KIAA1217: variants seen among roughly 807,000 people sequenced by gnomAD.
KIAA1217 encodes sickle tail protein homolog.
A neutral mutation model predicts 163.9 loss-of-function variants in KIAA1217; 88 were observed. The observed-to-expected ratio is 0.54, with a 90% confidence interval of 0.45 to 0.64. KIAA1217 has a LOEUF of 0.64. Among genes scored for constraint, KIAA1217 ranks in the 30% least tolerant of loss-of-function variants. The pLI, the probability that KIAA1217 is intolerant of heterozygous loss-of-function variation, is 0.00. For synonymous variants in KIAA1217, 903 were observed against 923.1 expected (o/e 0.98, Z 0.39); for missense variants, 2,372 against 2,475.0 (o/e 0.96, Z 0.88).
intron 15 of KIAA1217, among the ~76,000 whole-genome samples, chr10:24,532,670 A>T (rs2073299968): frequency 2.0e-5 from 3 of 152,116 alleles, no homozygotes; most frequent in African/African-American, 7.2e-5. Flanking sequence ...AAACGGTCCG[A>T]TCTCGTGAGA....
intron 1 of KIAA1217, among the ~76,000 whole-genome samples, chr10:23,733,339 A>G (rs1218274812): frequency 6.6e-6 from 1 of 152,204 alleles, no homozygotes; most frequent in Non-Finnish European, 1.5e-5. Context: ...TTTAAAATTT[A>G]AAATTTAATA....
chr10:24,172,317 G>A (rs917288578), intron 2 of KIAA1217, among the ~76,000 whole-genome samples: 3 of 152,190 alleles, frequency 2.0e-5, no homozygotes, highest in Non-Finnish European at 2.9e-5. Context: ...ACTATGCCAA[G>A]AGGATATCTT....
At position 24,279,012 on chromosome 10, in the gene KIAA1217, A is replaced by ACGCCCAG. The variant is rs372852209; in HGVS notation, c.354+59104_354+59105insGCCCAGC. Among the ~76,000 whole-genome samples the ACGCCCAG allele has an allele frequency of 1.3e-3, 203 of 152,018 alleles. 2 individuals carry two copies. The highest frequency in any genetic ancestry group is 4.4e-3 in the African/African-American group (182 of 41,488). On this transcript the variant is annotated intron_variant, in intron 2 of 20. Transcript: ENST00000376454. ...GCTGGGATTACAGTCACGGGCCACC[A>ACGCCCAG]CTAATTTTTGTATTTATAGTAGAGA...
chr10:24,304,289 A>G (rs1482403396), intron 2 of KIAA1217, among the ~76,000 whole-genome samples: 1 of 143,554 alleles, frequency 7.0e-6, no homozygotes, highest in African/African-American at 2.6e-5. Flanking sequence ...ACTATATCTT[A>G]TGTTTTCACT....
At chr10:23,790,590 T>TGTATACATATGTATATGTAC (rs1835869998) in intron 1 of KIAA1217, among the ~76,000 whole-genome samples, 1 of 126,812 alleles carries the variant, frequency 7.9e-6, no homozygotes, top group African/African-American at 3.3e-5. Flanking sequence ...TATATGTACA[T>TGTATACATATGTATATGTAC]ATATACATGT....
chr10:23,843,419 G>A (rs934532719), intron 1 of KIAA1217, among the ~76,000 whole-genome samples: 4 of 152,258 alleles, frequency 2.6e-5, no homozygotes, highest in Admixed American at 6.5e-5. Flanking sequence ...CAACAGAGAT[G>A]ACTTAAAAAT....
chr10:23,893,328 G>T (rs1157193229), intron 1 of KIAA1217, among the ~76,000 whole-genome samples: 1 of 151,916 alleles, frequency 6.6e-6, no homozygotes. Flanking sequence ...CTGTGGGATC[G>T]ATGGTGATAT....
In KIAA1217 at chr10:24,495,233, G is replaced by A. The variant is rs370391268; in HGVS notation, c.1834+37G>A. 3 of 1,571,578 alleles carry A rather than the reference G, an allele frequency of 1.9e-6. No homozygotes were observed. The African/African-American group carries it at 4.1e-5, about 21-fold the overall frequency. ...TTTTTGGAGCTGTAGGAGGCCTGTGGGCTGCCTGGGATGAGCCCTGGCTGG... is the reference window on the plus strand; with the variant it reads ...TTTTTGGAGCTGTAGGAGGCCTGTGAGCTGCCTGGGATGAGCCCTGGCTGG... On this transcript the variant is annotated intron_variant, in intron 8 of 20. Transcript: ENST00000376454.
At chr10:24,339,006 T>C (rs946567630) in intron 2 of KIAA1217, among the ~76,000 whole-genome samples, 1 of 152,212 alleles carries the variant, frequency 6.6e-6, no homozygotes, top group African/African-American at 2.4e-5. Flanking sequence ...AGCAAGTTTT[T>C]GAAGCTTGAT....
chr10:24,199,695 T>C (rs2067158309), intron 2 of KIAA1217, among the ~76,000 whole-genome samples: 1 of 152,210 alleles, frequency 6.6e-6, no homozygotes, highest in Non-Finnish European at 1.5e-5. Context: ...TGTGTGTGTA[T>C]GTGTCTGTTT....
In KIAA1217 at chr10:23,821,487, C is replaced by T. The variant is rs1837619344; in HGVS notation, c.-321+126253C>T. Among the ~76,000 whole-genome samples the T allele has an allele frequency of 2.0e-5, 3 of 152,192 alleles. No homozygotes were observed. In the South Asian group the frequency reaches 6.2e-4, roughly 32 times the overall value. Reference sequence around the variant, plus strand: ...TAAGAGAGGCATGGAAGCAACTCTTCTTCCTGGGCCATATTCCAAAGGTCA... The same window carrying T: ...TAAGAGAGGCATGGAAGCAACTCTTTTTCCTGGGCCATATTCCAAAGGTCA... On this transcript the variant is annotated intron_variant, in intron 1 of 18. Transcript: ENST00000376462.
At chr10:23,869,636 G>T (rs1840365486) in intron 1 of KIAA1217, among the ~76,000 whole-genome samples, 1 of 152,048 alleles carries the variant, frequency 6.6e-6, no homozygotes, top group Non-Finnish European at 1.5e-5. Flanking sequence ...GATAAGTTTA[G>T]CCCCATGATG....
intron 2 of KIAA1217, among the ~76,000 whole-genome samples, chr10:24,172,053 C>G (rs1272035602): frequency 2.6e-5 from 4 of 152,114 alleles, no homozygotes; most frequent in Non-Finnish European, 5.9e-5. Flanking sequence ...AGAGATCATA[C>G]AGTTGATATG....
chr10:24,101,963 T>C (rs1474875228), intron 2 of KIAA1217, among the ~76,000 whole-genome samples: 1 of 152,190 alleles, frequency 6.6e-6, no homozygotes, highest in African/African-American at 2.4e-5. Flanking sequence ...AATTAGATAG[T>C]GGTGATAGTT....
intron 1 of KIAA1217, among the ~76,000 whole-genome samples, chr10:23,743,267 G>A (rs7084832): frequency 0.22 from 33,087 of 151,406 alleles, 3,843 homozygotes; most frequent in African/African-American, 0.29. Context: ...CAGTGTTTAC[G>A]GTAGTTCTTA....
chr10:24,076,278 A>G (rs12242424), intron 2 of KIAA1217, among the ~76,000 whole-genome samples: 24,085 of 152,226 alleles, frequency 0.16, 3,899 homozygotes, highest in African/African-American at 0.42. Flanking sequence ...AACGCTCAGT[A>G]TCTAGTGCTT....
At chr10:24,036,666 A>G (rs530859037) in intron 2 of KIAA1217, among the ~76,000 whole-genome samples, 1 of 152,180 alleles carries the variant, frequency 6.6e-6, no homozygotes, top group African/African-American at 2.4e-5. Context: ...GGCAAGAGAG[A>G]GAGCAAGAGA....
In KIAA1217 at chr10:24,069,090, C is replaced by T. The variant is rs1319782792; in HGVS notation, c.-171+61716C>T. On this transcript the variant is annotated intron_variant, in intron 2 of 18. Coordinates refer to the KIAA1217 transcript ENST00000376462. ...TAGGAGCTGACTTTTTACCCACCTG[C>T]TCTGCATTGAGCCAGGGGGCAGAGC... Among the ~76,000 whole-genome samples, 3 of 152,326 alleles carry T rather than the reference C, an allele frequency of 2.0e-5. No individual in the cohort carries two copies. The East Asian group carries it at 5.8e-4, about 29-fold the overall frequency.
intron 6 of KIAA1217, among the ~76,000 whole-genome samples, chr10:24,490,601 C>T (rs972081314): frequency 2.6e-5 from 4 of 152,206 alleles, no homozygotes; most frequent in African/African-American, 9.6e-5. Flanking sequence ...AAACCAGACA[C>T]ACTTTGACGA....
Sources: gnomAD v4.1 joint callset for allele counts (sites outside exome capture counted in the v4.1 genomes callset) on GRCh38, gnomAD v4.1.1 for gene constraint, MANE v1.5 for transcripts, NCBI Gene and HGNC (gene_info 2026-07-23, HGNC 2026-07-21) for gene names.